CCDC85A: variants seen among roughly 807,000 people sequenced by gnomAD.
CCDC85A encodes the protein coiled-coil domain containing 85A, also known as coiled-coil domain-containing protein 85A.
In CCDC85A, 38 loss-of-function variants were observed where a neutral mutation model predicts 50.2. The ratio of observed to expected loss-of-function variants is 0.76; its 90% CI spans 0.58 to 0.99. CCDC85A has a LOEUF of 0.99. CCDC85A is among the 50% of genes least tolerant of loss of function. The pLI is 0.00. For synonymous variants in CCDC85A, 366 were observed against 301.4 expected (o/e 1.21, Z -2.22); for missense variants, 820 against 742.0 (o/e 1.11, Z -1.22).
chr2:56,382,674 T>A (rs1676647304), intron 5 of CCDC85A, among the ~76,000 whole-genome samples: 1 of 152,038 alleles, frequency 6.6e-6, no homozygotes, highest in African/African-American at 2.4e-5. Context: ...AACCTTTGTA[T>A]TGTTGGTTTA....
chr2:56,192,755 C>T lies in CCDC85A; in HGVS notation c.555C>T (p.Cys185=). The change falls in exon 2 of 6, where the codon TGC becomes TGT. Residue 185 remains cysteine (C), a synonymous_variant. Coordinates refer to ENST00000407595, the MANE Select transcript of CCDC85A (RefSeq NM_001080433.2). This position sits in a 1 kb window ranked among gnomAD's most constrained non-coding sequence, Gnocchi z 4.7. ...GTGCAGGCTGCGCAGGCAGCCGCTGCTCCATCGACAGCCAGGCCAGCCTGT... is the reference window on the plus strand; with the variant it reads ...GTGCAGGCTGCGCAGGCAGCCGCTGTTCCATCGACAGCCAGGCCAGCCTGT... ...EKGAGCAGSR[C]SIDSQASLCQ... 1 of 1,613,196 alleles carries T rather than the reference C, an allele frequency of 6.2e-7. No individual in the cohort carries two copies. Among genetic ancestry groups the T allele is most frequent in the South Asian group, 1.1e-5 (1 of 91,052 alleles).
chr2:56,208,985 GGCC>G (rs1343021509), intron 2 of CCDC85A, among the ~76,000 whole-genome samples: 5 of 152,116 alleles, frequency 3.3e-5, no homozygotes, highest in African/African-American at 1.2e-4. Flanking sequence ...CATGTATACT[GGCC>G]CAGGGTCTGG....
intron 2 of CCDC85A, among the ~76,000 whole-genome samples, chr2:56,318,861 G>T (rs1673033586): frequency 6.6e-6 from 1 of 152,094 alleles, no homozygotes; most frequent in Admixed American, 6.6e-5. Flanking sequence ...AATGAAAACT[G>T]CTCTTTCTTG....
chr2:56,285,464 T>A (rs995491204), intron 2 of CCDC85A, among the ~76,000 whole-genome samples: 3 of 144,242 alleles, frequency 2.1e-5, no homozygotes, highest in African/African-American at 5.2e-5. Context: ...TTAATTATAT[T>A]ATTAATTATA....
chr2:56,231,725 T>C (rs1305383418), intron 2 of CCDC85A, among the ~76,000 whole-genome samples: 1 of 152,188 alleles, frequency 6.6e-6, no homozygotes, highest in Non-Finnish European at 1.5e-5. Flanking sequence ...ATGCTGCATG[T>C]GTTAGTGTAC....
intron 2 of CCDC85A, among the ~76,000 whole-genome samples, chr2:56,194,983 T>A (rs1159788965): frequency 6.6e-6 from 1 of 151,950 alleles, no homozygotes; most frequent in Non-Finnish European, 1.5e-5. Flanking sequence ...GACATGAAGC[T>A]TGTCTTTGAA....
intron 3 of CCDC85A, among the ~76,000 whole-genome samples, chr2:56,367,857 A>G (rs184952741): frequency 1.3e-3 from 193 of 152,260 alleles, no homozygotes; most frequent in Middle Eastern, 3.4e-3. Context: ...CTGTTTTAAA[A>G]GCTCTTTCCA....
At chr2:56,312,508 T>C (rs1672742152) in intron 2 of CCDC85A, among the ~76,000 whole-genome samples, 1 of 152,166 alleles carries the variant, frequency 6.6e-6, no homozygotes, top group African/African-American at 2.4e-5. Flanking sequence ...ATGCTGCCCA[T>C]AATACAGGTT....
chr2:56,204,155 G>A (rs1373085899), intron 2 of CCDC85A, among the ~76,000 whole-genome samples: 1 of 152,194 alleles, frequency 6.6e-6, no homozygotes, highest in African/African-American at 2.4e-5. Flanking sequence ...TTCATTAGGT[G>A]TAGATGGTAA....
chr2:56,186,807 G>A (rs1676068012), intron 1 of CCDC85A, among the ~76,000 whole-genome samples: 1 of 152,148 alleles, frequency 6.6e-6, no homozygotes, highest in African/African-American at 2.4e-5. Context: ...GTAGCTTCAT[G>A]TAGAGAAGTA....
At chr2:56,215,565 A>G (rs1188862337) in intron 2 of CCDC85A, among the ~76,000 whole-genome samples, 2 of 146,074 alleles carry the variant, frequency 1.4e-5, no homozygotes, top group Admixed American at 1.4e-4. Context: ...TTCTATTCCT[A>G]GTTTGCTGAT....
chr2:56,244,001 C>G (rs1403891025), intron 2 of CCDC85A, among the ~76,000 whole-genome samples: 1 of 152,178 alleles, frequency 6.6e-6, no homozygotes, highest in East Asian at 1.9e-4. Context: ...TAGAGTCTCT[C>G]TCTCTTTCTT....
chr2:56,261,261 G>T (rs1670207242), intron 2 of CCDC85A, among the ~76,000 whole-genome samples: 1 of 152,152 alleles, frequency 6.6e-6, no homozygotes, highest in Non-Finnish European at 1.5e-5. Flanking sequence ...CTTATAGAGA[G>T]AAACAGCACT....
chr2:56,326,739 ATT>A (rs1673491336), intron 2 of CCDC85A, among the ~76,000 whole-genome samples: 1 of 152,162 alleles, frequency 6.6e-6, no homozygotes, highest in Non-Finnish European at 1.5e-5. Context: ...ACAGTATGTC[ATT>A]CTTTCATAAC....
rs541475432 is a variant in CCDC85A at position 56,300,203 on chromosome 2, T to G, written c.1241-42676T>G. On this transcript the variant is annotated intron_variant, in intron 2 of 5. Coordinates refer to ENST00000407595, the MANE Select transcript of CCDC85A (RefSeq NM_001080433.2). ...GGGGAGTAAGATAGGGACACAGCCC[T>G]CCTATGGGGAAGGAATGGATAGAGT... 6.6e-5 allele frequency among the ~76,000 whole-genome samples: 10 copies of G among 152,232 alleles called. No individual in the cohort carries two copies. The South Asian group carries it at 2.1e-3, about 32-fold the overall frequency.
intron 4 of CCDC85A, 130 bp downstream of exon 4, chr2:56,372,608 T>A (rs981938595): frequency 9.2e-7 from 1 of 1,085,688 alleles, no homozygotes; most frequent in African/African-American, 1.6e-5. Flanking sequence ...TATGTCTAAG[T>A]CTGGGGAGGG....
chr2:56,329,545 G>T (rs566504751), intron 2 of CCDC85A, among the ~76,000 whole-genome samples: 1 of 152,094 alleles, frequency 6.6e-6, no homozygotes, highest in Non-Finnish European at 1.5e-5. Context: ...TAAACTAACT[G>T]GATTTATTTG....
At position 56,384,374 on chromosome 2, in the gene CCDC85A, CAGG is replaced by C; in HGVS notation, c.*22_*24del. On this transcript the variant is annotated 3_prime_UTR_variant, in exon 6 of 6. Transcript: ENST00000407595. ...AATGTGAGATGCACTCTTTTTCAAA[CAGG>C]AGATCACCACTGCCAGAAAGTGATA... 6.3e-7 allele frequency: 1 copy of C among 1,591,346 alleles called. No homozygotes were observed. The highest frequency in any genetic ancestry group is 8.6e-7 in the Non-Finnish European group (1 of 1,161,840).
At chr2:56,315,004 C>T (rs749439706) in intron 2 of CCDC85A, among the ~76,000 whole-genome samples, 2 of 152,104 alleles carry the variant, frequency 1.3e-5, no homozygotes, top group Non-Finnish European at 2.9e-5. Flanking sequence ...CTCCCCACAT[C>T]TGCTTCTATT....
Sources: gnomAD v4.1 joint callset for allele counts (sites outside exome capture counted in the v4.1 genomes callset) on GRCh38, gnomAD v4.1.1 for gene constraint, Gnocchi (gnomAD v3.1) non-coding constraint, MANE v1.5 for transcripts, NCBI Gene and HGNC (gene_info 2026-07-23, HGNC 2026-07-21) for gene names.